CAB39L: variants seen among roughly 807,000 people sequenced by gnomAD.
The protein encoded by CAB39L is calcium binding protein 39 like, also known as calcium-binding protein 39-like.
A neutral mutation model predicts 39.1 loss-of-function variants in CAB39L; 23 were observed. That is an observed-to-expected ratio of 0.59 (90% CI 0.42 to 0.83). The LOEUF (loss-of-function observed/expected upper bound fraction) is 0.83, where lower values mean the gene tolerates loss of function less well. Ranked by LOEUF, CAB39L falls within the 40% of genes least tolerant of loss-of-function variation. CAB39L has a pLI of 0.00. For missense variants in CAB39L, 366 were observed against 391.9 expected, an observed-to-expected ratio of 0.93 and a Z score of 0.56; for synonymous variants, 126 against 137.2, an observed-to-expected ratio of 0.92 and a Z score of 0.57.
intron 1 of CAB39L, among the ~76,000 whole-genome samples, chr13:49,442,562 C>T (rs1465140213): frequency 6.6e-6 from 1 of 151,904 alleles, no homozygotes; most frequent in Admixed American, 6.6e-5. Flanking sequence ...GAGGTGGAGG[C>T]GGGCAGATCA....
chr13:49,354,195 A>G (rs185068132), intron 6 of CAB39L, among the ~76,000 whole-genome samples: 54 of 152,334 alleles, frequency 3.5e-4, no homozygotes, highest in African/African-American at 1.1e-3. Context: ...GAATGTTTTT[A>G]AAAAACCAAG....
At chr13:49,441,068 G>T (rs1957509078) in intron 1 of CAB39L, among the ~76,000 whole-genome samples, 1 of 151,564 alleles carries the variant, frequency 6.6e-6, no homozygotes, top group Admixed American at 6.6e-5. Flanking sequence ...TTCTTTCAAA[G>T]ATTTCATCTT....
chr13:49,364,625 C>T (rs1046762303), intron 5 of CAB39L, among the ~76,000 whole-genome samples: 4 of 152,046 alleles, frequency 2.6e-5, no homozygotes, highest in African/African-American at 4.8e-5. Context: ...ATACAAAAAT[C>T]AGTAGCATTT....
At chr13:49,351,061 A>T in intron 6 of CAB39L, 149 bp from the exon 7 acceptor site, 1 of 497,994 alleles carries the variant, frequency 2.0e-6, no homozygotes. Flanking sequence ...AAGATCTACT[A>T]TGTGCCTGGC....
intron 3 of CAB39L, among the ~76,000 whole-genome samples, chr13:49,419,504 G>C (rs1479865363): frequency 1.3e-5 from 2 of 152,192 alleles, no homozygotes; most frequent in Non-Finnish European, 2.9e-5. Flanking sequence ...CTTGAGCCCG[G>C]GAGGTCAAGG....
chr13:49,336,257 T>G (rs529778513), intron 9 of CAB39L, among the ~76,000 whole-genome samples: 1 of 152,246 alleles, frequency 6.6e-6, no homozygotes, highest in Admixed American at 6.5e-5. Flanking sequence ...CATCTCTTCC[T>G]ATAATCTAAC....
At chr13:49,348,718 C>T (rs994760412) in intron 7 of CAB39L, among the ~76,000 whole-genome samples, 1 of 152,236 alleles carries the variant, frequency 6.6e-6, no homozygotes, top group Non-Finnish European at 1.5e-5. Flanking sequence ...ATTCTCCCTC[C>T]AGAGTTCTTG....
intron 5 of CAB39L, among the ~76,000 whole-genome samples, chr13:49,369,013 G>A (rs1179374749): frequency 1.3e-5 from 2 of 152,026 alleles, no homozygotes; most frequent in South Asian, 4.2e-4. Flanking sequence ...TTAAAAAGGG[G>A]CAAAAGATAT....
In CAB39L at chr13:49,422,687, A is replaced by T. The variant is rs10219774; in HGVS notation, c.-32+10631T>A. On this transcript the variant is annotated intron_variant, in intron 3 of 10. Transcript: ENST00000409308. ...TGGTCTCAAACTCCCAGGTTCAGTG[A>T]TCCTCCCACCTCAGCCTCCTGAATA... Among the ~76,000 whole-genome samples, 3 of 151,384 alleles carry T rather than the reference A, an allele frequency of 2.0e-5. No homozygotes were observed. The East Asian group carries it at 5.8e-4, about 29-fold the overall frequency.
chr13:49,443,861 C>T (rs1957594979), intron 1 of CAB39L, 125 bp downstream of exon 1: 17 of 451,394 alleles, frequency 3.8e-5, no homozygotes, highest in Middle Eastern at 3.3e-4. Context: ...GGTCTCCTCC[C>T]TTAGGCCTCT....
intron 1 of CAB39L, among the ~76,000 whole-genome samples, chr13:49,440,282 G>C (rs1206904924): frequency 6.6e-6 from 1 of 151,824 alleles, no homozygotes; most frequent in Non-Finnish European, 1.5e-5. Context: ...GTCCAGTTTT[G>C]TATGTGGTGT....
chr13:49,369,252 T>TTC (rs1356059133), intron 5 of CAB39L, among the ~76,000 whole-genome samples: 1 of 152,246 alleles, frequency 6.6e-6, no homozygotes, highest in Non-Finnish European at 1.5e-5. Context: ...CACTAAATAC[T>TTC]ATACATAAAT....
At chr13:49,358,283 T>TA (rs1955538244) in intron 6 of CAB39L, among the ~76,000 whole-genome samples, 1 of 152,180 alleles carries the variant, frequency 6.6e-6, no homozygotes, top group African/African-American at 2.4e-5. Flanking sequence ...CACTAGTGAA[T>TA]AATAACTGTG....
At chr13:49,342,632 TC>T (rs1410261043) in intron 8 of CAB39L, among the ~76,000 whole-genome samples, 1 of 152,108 alleles carries the variant, frequency 6.6e-6, no homozygotes, top group African/African-American at 2.4e-5. Context: ...ATGCCAAAAA[TC>T]CCAGTAAAAA....
chr13:49,440,289 G>A (rs1957488374), intron 1 of CAB39L, among the ~76,000 whole-genome samples: 1 of 151,872 alleles, frequency 6.6e-6, no homozygotes, highest in African/African-American at 2.4e-5. Context: ...TTTGTATGTG[G>A]TGTAAGGTAG....
chr13:49,357,815 C>A (rs1370402196), intron 6 of CAB39L, among the ~76,000 whole-genome samples: 1 of 152,174 alleles, frequency 6.6e-6, no homozygotes, highest in East Asian at 1.9e-4. Flanking sequence ...ATGTTGCCTA[C>A]AGAATGACAT....
At chr13:49,414,249 G>T (rs1957043384) in intron 3 of CAB39L, 1 of 152,192 alleles carries the variant, frequency 6.6e-6, no homozygotes, top group Non-Finnish European at 1.5e-5. Context: ...TTCTTTTCAA[G>T]AAATAGAGGC....
chr13:49,340,151 T>A (rs1028554628), intron 8 of CAB39L, among the ~76,000 whole-genome samples: 2 of 152,232 alleles, frequency 1.3e-5, no homozygotes, highest in Non-Finnish European at 2.9e-5. Flanking sequence ...GACTGTTCAA[T>A]TCACTGCATA....
At chr13:49,311,421 T>C (rs570071635) in intron 10 of CAB39L, among the ~76,000 whole-genome samples, 12 of 152,242 alleles carry the variant, frequency 7.9e-5, no homozygotes, top group South Asian at 2.1e-4. Flanking sequence ...GTATTTACTA[T>C]ACTATACGTC....
Sources: allele counts gnomAD v4.1 joint callset (sites outside exome capture counted in the v4.1 genomes callset), GRCh38; gene constraint gnomAD v4.1.1; transcripts MANE v1.5; gene names NCBI Gene and HGNC (gene_info 2026-07-23, HGNC 2026-07-21).